Variants in PZP observed in about 807,000 individuals in gnomAD.
PZP encodes PZP alpha-2-macroglobulin like.
A neutral mutation model predicts 179.8 loss-of-function variants in PZP; 150 were observed. The ratio of observed to expected loss-of-function variants is 0.83; its 90% CI spans 0.73 to 0.96. PZP has a LOEUF of 0.96. Among genes scored for constraint, PZP ranks in the 40% least tolerant of loss-of-function variants. The pLI is 0.00. For synonymous variants in PZP, 624 were observed against 652.3 expected, an observed-to-expected ratio of 0.96 and a Z score of 0.66; for missense variants, 1,689 against 1,764.0, an observed-to-expected ratio of 0.96 and a Z score of 0.76.
intron 15 of PZP, 50 bp downstream of exon 15, chr12:9,180,933 T>G: frequency 1.9e-6 from 3 of 1,568,274 alleles, no homozygotes; most frequent in Non-Finnish European, 2.6e-6. Flanking sequence ...CTTCTTGATC[T>G]GAGCCTCTGG....
intron 25 of PZP, 65 bp downstream of exon 25, chr12:9,159,873 G>T: frequency 7.3e-7 from 1 of 1,371,256 alleles, no homozygotes; most frequent in Non-Finnish European, 1.0e-6. Context: ...AATGGACTAA[G>T]ACAGGTAATC....
chr12:9,160,652 C>T (rs978796251), intron 23 of PZP, among the ~76,000 whole-genome samples, 162 bp from the exon 24 acceptor site: 1 of 152,148 alleles, frequency 6.6e-6, no homozygotes, highest in Non-Finnish European at 1.5e-5. Context: ...TAGCAGCTAT[C>T]GCCTGTAATC....
intron 7 of PZP, among the ~76,000 whole-genome samples, chr12:9,197,460 AATAAT>A (rs1280648063): frequency 1.5e-5 from 2 of 131,752 alleles, no homozygotes; most frequent in African/African-American, 6.0e-5. Flanking sequence ...AATAATATAT[AATAAT>A]ATAATATATA....
chr12:9,162,687 A>G, intron 21 of PZP, 39 bp from the exon 22 acceptor site: 1 of 1,487,022 alleles, frequency 6.7e-7, no homozygotes, highest in Non-Finnish European at 9.3e-7. Flanking sequence ...AGATAGAAAC[A>G]TCCTGGTGAC....
chr12:9,168,628 C>T (rs762761500), intron 17 of PZP: 26 of 409,370 alleles, frequency 6.4e-5, no homozygotes, highest in East Asian at 1.2e-4. Context: ...TCTTACAGTA[C>T]ATCAGAATCT....
intron 13 of PZP, among the ~76,000 whole-genome samples, chr12:9,189,674 C>A (rs1943342047): frequency 6.6e-6 from 1 of 152,020 alleles, no homozygotes; most frequent in South Asian, 2.1e-4. Context: ...TTCTGCACAG[C>A]AAAAGAAACT....
chr12:9,160,379 T>C lies in PZP; in HGVS notation c.2984A>G (p.Tyr995Cys). Residue 995 changes from tyrosine (Y) to cysteine (C), a missense_variant, in exon 24 of 36, where the codon TAT becomes TGT. Coordinates refer to ENST00000261336, the MANE Select transcript of PZP (RefSeq NM_002864.3). ...CGTCAGCTGCTGGGTTTCATTCAGA[T>C]AGTTCAAGACATAGATGTTAGGAGC... ...LFAPNIYVLN[Y>C]LNETQQLTQE... 1.2e-6 allele frequency: 2 copies of C among 1,614,062 alleles called. No homozygotes were observed. The highest frequency in any genetic ancestry group is 2.2e-5 in the East Asian group (1 of 44,886).
At chr12:9,157,959 C>T (rs1940883188) in intron 26 of PZP, 118 bp from the exon 27 acceptor site, 6 of 734,976 alleles carry the variant, frequency 8.2e-6, no homozygotes, top group Middle Eastern at 2.4e-4. Context: ...CCATTTCCTT[C>T]TCTCTCTCTC....
In PZP at chr12:9,177,763, A is replaced by C. The variant is rs759332277; in HGVS notation, c.1839+3220T>G. The stretch of plus-strand genomic sequence containing the variant: ...ATGTTCATAGTTTCTTCTCACTTCC[A>C]CAACACTCAAAGTTTACCAAACCTT... On this transcript the variant is annotated intron_variant, in intron 15 of 35. Transcript: ENST00000261336. Among the ~76,000 whole-genome samples, 5 of 152,322 alleles carry C rather than the reference A, an allele frequency of 3.3e-5. No individual in the cohort carries two copies. The East Asian group carries it at 9.6e-4, about 29-fold the overall frequency.
intron 3 of PZP, 38 bp from the exon 4 acceptor site, chr12:9,202,409 A>G (rs1213176561): frequency 1.2e-6 from 2 of 1,613,948 alleles, no homozygotes; most frequent in Admixed American, 3.3e-5. Flanking sequence ...CAGACATGAT[A>G]AAGCAGGTAA....
chr12:9,145,829 G>A (rs1432795974), downstream of PZP, among the ~76,000 whole-genome samples: 5 of 152,126 alleles, frequency 3.3e-5, no homozygotes, highest in African/African-American at 1.2e-4. Context: ...TTCTTGGTTA[G>A]CAGGTTTGTA....
At chr12:9,172,343 C>G (rs892122702) in intron 15 of PZP, among the ~76,000 whole-genome samples, 1 of 152,148 alleles carries the variant, frequency 6.6e-6, no homozygotes, top group Non-Finnish European at 1.5e-5. Context: ...CTGAAGAAAG[C>G]ACTACGTTTG....
At chr12:9,189,060 T>C (rs569017844) in intron 13 of PZP, among the ~76,000 whole-genome samples, 64 of 152,080 alleles carry the variant, frequency 4.2e-4, no homozygotes, top group Non-Finnish European at 8.2e-4. Flanking sequence ...ATCATGAAAA[T>C]GGTCATATTG....
In PZP at chr12:9,169,503, GGAC is replaced by G. The variant is rs1484056650; in HGVS notation, c.1925_1927del (p.Arg642del). On this transcript the variant is annotated inframe_deletion, in exon 16 of 36. Coordinates refer to ENST00000261336, the MANE Select transcript of PZP (RefSeq NM_002864.3). ...GATGGCTCCATTATGAATGAAGAAA[GGAC>G]GGGGACAGTGTCCTTGTTCTTCCTC... 3 of 1,612,732 alleles carry G rather than the reference GGAC, an allele frequency of 1.9e-6. No homozygotes were observed. Among genetic ancestry groups the G allele is most frequent in the East Asian group, 4.5e-5 (2 of 44,830 alleles).
At chr12:9,165,441 A>C in intron 18 of PZP, 74 bp from the exon 19 acceptor site, 1 of 1,536,950 alleles carries the variant, frequency 6.5e-7, no homozygotes, top group Non-Finnish European at 8.9e-7. Flanking sequence ...ATTAATATGC[A>C]TAAAGCTAAC....
At chr12:9,202,833 T>C in intron 2 of PZP, 149 bp from the exon 3 acceptor site, 1 of 744,034 alleles carries the variant, frequency 1.3e-6, no homozygotes, top group Non-Finnish European at 2.1e-6. Flanking sequence ...GTGACGATAT[T>C]AATGTGAGAT....
the PZP span, among the ~76,000 whole-genome samples, chr12:9,139,387 G>A: frequency 3.3e-5 from 5 of 152,162 alleles, no homozygotes; most frequent in East Asian, 1.9e-4. Context: ...CATGAGAAGA[G>A]TATGTATTCA....
At chr12:9,146,918 C>CTCTT (rs57674243), downstream of PZP, among the ~76,000 whole-genome samples, 149,181 of 152,064 alleles carry the variant, frequency 0.98, 73,258 homozygotes, top group Middle Eastern at 1. Context: ...CAAAGATCAA[C>CTCTT]TCTTTTCCCA....
At chr12:9,143,516 C>G in the PZP span, among the ~76,000 whole-genome samples, 91 of 151,958 alleles carry the variant, frequency 6.0e-4, no homozygotes, top group Admixed American at 3.4e-3. Flanking sequence ...GAAGGAGAAA[C>G]CTGGGGAGGG....
Sources: allele counts gnomAD v4.1 joint callset (sites outside exome capture counted in the v4.1 genomes callset), GRCh38; gene constraint gnomAD v4.1.1; transcripts MANE v1.5; gene names NCBI Gene and HGNC (gene_info 2026-07-23, HGNC 2026-07-21).